DLG2: variants seen among roughly 807,000 people sequenced by gnomAD.
DLG2 encodes discs large MAGUK scaffold protein 2.
In DLG2, 45 loss-of-function variants were observed where a neutral mutation model predicts 132.5. That is an observed-to-expected ratio of 0.34 (90% CI 0.27 to 0.44). DLG2 has a LOEUF of 0.44. Ranked by LOEUF, DLG2 falls within the 20% of genes least tolerant of loss-of-function variation. The probability of loss-of-function intolerance (pLI) is 1.00; values close to 1 mark genes in which losing one functional copy is unlikely to be tolerated. For missense variants in DLG2, 1,045 were observed against 1,196.9 expected, an observed-to-expected ratio of 0.87 and a Z score of 1.87; for synonymous variants, 424 against 419.6, an observed-to-expected ratio of 1.01 and a Z score of -0.13.
chr11:84,939,022 A>T (rs116864163), intron 6 of DLG2, among the ~76,000 whole-genome samples: 3,855 of 152,266 alleles, frequency 0.025, 72 homozygotes, highest in Middle Eastern at 0.045. Context: ...AAAGGAGATA[A>T]ATTAGAAAGA....
At chr11:84,088,610 T>G (rs1001741875) in intron 10 of DLG2, among the ~76,000 whole-genome samples, 1 of 152,202 alleles carries the variant, frequency 6.6e-6, no homozygotes, top group African/African-American at 2.4e-5. Flanking sequence ...TGTTGGGGAC[T>G]TGTCGATTGC....
In DLG2 at chr11:84,564,594, T is replaced by C. The variant is rs534966675; in HGVS notation, c.358-29863A>G. On this transcript the variant is annotated intron_variant, in intron 6 of 27. Transcript: ENST00000376104. ...CATTTCTTTTTTATTCTGCACATAA[T>C]GTCGTCTAACTAATATTTATATATG... Among the ~76,000 whole-genome samples, 3 of 152,328 alleles carry C rather than the reference T, an allele frequency of 2.0e-5. No homozygotes were observed. In the South Asian group the frequency reaches 6.2e-4, roughly 32 times the overall value.
intron 7 of DLG2, among the ~76,000 whole-genome samples, chr11:84,529,739 G>A (rs1193169824): frequency 1.3e-5 from 2 of 152,146 alleles, no homozygotes; most frequent in Middle Eastern, 3.2e-3. Flanking sequence ...TACACAGTCA[G>A]TGCTATTCCT....
At chr11:85,331,021 G>A (rs1348270440) in intron 3 of DLG2, among the ~76,000 whole-genome samples, 3 of 152,024 alleles carry the variant, frequency 2.0e-5, no homozygotes, top group East Asian at 1.9e-4. Context: ...TATGAGGCAC[G>A]AAGCTCATCT....
At chr11:84,831,912 G>T (rs1296922118) in intron 6 of DLG2, among the ~76,000 whole-genome samples, 6 of 151,646 alleles carry the variant, frequency 4.0e-5, no homozygotes, top group Non-Finnish European at 8.9e-5. Context: ...ACTCACTTCA[G>T]GAAACAGAGC....
chr11:84,071,712 C>A (rs1231122137), intron 10 of DLG2, among the ~76,000 whole-genome samples: 5 of 152,106 alleles, frequency 3.3e-5, no homozygotes, highest in Admixed American at 6.6e-5. Flanking sequence ...AATGTTTTAT[C>A]CCATATTTAA....
chr11:84,435,617 T>C (rs2098998113), intron 7 of DLG2, among the ~76,000 whole-genome samples: 1 of 152,172 alleles, frequency 6.6e-6, no homozygotes, highest in African/African-American at 2.4e-5. Flanking sequence ...ACTCTCTGAG[T>C]AAGGTAATTA....
intron 7 of DLG2, among the ~76,000 whole-genome samples, chr11:84,499,613 T>G (rs2099196488): frequency 6.6e-6 from 1 of 152,182 alleles, no homozygotes; most frequent in Admixed American, 6.6e-5. Flanking sequence ...GATTAACAGT[T>G]TTTACTTTAC....
intron 6 of DLG2, among the ~76,000 whole-genome samples, chr11:84,746,079 C>G (rs1451307895): frequency 1.3e-5 from 2 of 151,948 alleles, no homozygotes; most frequent in Non-Finnish European, 2.9e-5. Context: ...TTTCTACTCT[C>G]AGGGAGCTTA....
intron 5 of DLG2, among the ~76,000 whole-genome samples, chr11:85,122,377 T>C (rs1437166357): frequency 6.6e-6 from 1 of 152,088 alleles, no homozygotes; most frequent in Non-Finnish European, 1.5e-5. Flanking sequence ...AGTTGAGAGG[T>C]ATTCCAGGCA....
Position 83,882,469 on chromosome 11 carries a change from A to G in DLG2, c.1497-7981T>C, listed in dbSNP as rs149049054. ...ACATTAAATCAAATTTAGAGCCCCCAATTTTTCATTCCATAGCCAAAGATA... is the reference window on the plus strand; with the variant it reads ...ACATTAAATCAAATTTAGAGCCCCCGATTTTTCATTCCATAGCCAAAGATA... On this transcript the variant is annotated intron_variant, in intron 15 of 27. Transcript: ENST00000376104. Among the ~76,000 whole-genome samples, 872 of 152,344 alleles carry G rather than the reference A, an allele frequency of 5.7e-3. 7 individuals are homozygous for G. Among genetic ancestry groups the G allele is most frequent in the African/African-American group, 0.02 (826 of 41,568 alleles).
At chr11:85,329,043 A>G (rs1364042184) in intron 3 of DLG2, among the ~76,000 whole-genome samples, 4 of 113,744 alleles carry the variant, frequency 3.5e-5, no homozygotes, top group Middle Eastern at 4.1e-3. Flanking sequence ...AAAGAGAATA[A>G]AATACCTAGG....
intron 18 of DLG2, among the ~76,000 whole-genome samples, chr11:83,707,681 A>G (rs2084366839): frequency 6.6e-6 from 1 of 151,714 alleles, no homozygotes; most frequent in Non-Finnish European, 1.5e-5. Context: ...AACAACAACA[A>G]TAACAACAGC....
At chr11:84,588,792 A>C (rs56073951) in intron 6 of DLG2, among the ~76,000 whole-genome samples, 356 of 147,072 alleles carry the variant, frequency 2.4e-3, no homozygotes, top group African/African-American at 8.5e-3. Flanking sequence ...GAAAAAAAAA[A>C]AAAAACAAAA....
At chr11:83,568,093 G>T (rs759182998) in intron 19 of DLG2, among the ~76,000 whole-genome samples, 7 of 152,140 alleles carry the variant, frequency 4.6e-5, no homozygotes, top group Admixed American at 2.6e-4. Context: ...TGGCTTGGCA[G>T]GTGGCAGAGA....
chr11:84,318,478 A>C (rs931839528), intron 7 of DLG2, among the ~76,000 whole-genome samples: 2 of 152,222 alleles, frequency 1.3e-5, no homozygotes, highest in Admixed American at 1.3e-4. Context: ...AGATGCCATC[A>C]AATCTACCTT....
intron 4 of DLG2, among the ~76,000 whole-genome samples, chr11:85,254,168 G>A (rs978904250): frequency 2.6e-5 from 4 of 152,126 alleles, no homozygotes; most frequent in Non-Finnish European, 5.9e-5. Flanking sequence ...ACTGCCTCCT[G>A]TCCCTATCAA....
At chr11:85,398,805 G>T (rs1250871698) in intron 3 of DLG2, among the ~76,000 whole-genome samples, 1 of 152,240 alleles carries the variant, frequency 6.6e-6, no homozygotes, top group Admixed American at 6.5e-5. Context: ...ACCAAAAAAA[G>T]TCCAGGACAA....
intron 6 of DLG2, among the ~76,000 whole-genome samples, chr11:84,573,796 A>T (rs1408692585): frequency 1.3e-5 from 2 of 152,214 alleles, no homozygotes; most frequent in African/African-American, 4.8e-5. Flanking sequence ...CATTTCTCCT[A>T]GCATTTCTTC....
Sources: allele counts gnomAD v4.1 joint callset (sites outside exome capture counted in the v4.1 genomes callset), GRCh38; gene constraint gnomAD v4.1.1; transcripts MANE v1.5; gene names NCBI Gene and HGNC (gene_info 2026-07-23, HGNC 2026-07-21).